Variants in CELSR1 observed in about 807,000 individuals in gnomAD.
The protein encoded by CELSR1 is adhesion G protein-coupled receptor C1.
A neutral mutation model predicts 249.1 loss-of-function variants in CELSR1; 110 were observed. The ratio of observed to expected loss-of-function variants is 0.44; its 90% CI spans 0.38 to 0.52. CELSR1 has a LOEUF of 0.52. Ranked by LOEUF, CELSR1 falls within the 20% of genes least tolerant of loss-of-function variation. The pLI is 0.00. For synonymous variants in CELSR1, 2,113 were observed against 1,900.0 expected (o/e 1.11, Z -2.92); for missense variants, 4,109 against 4,296.4 (o/e 0.96, Z 1.22).
rs965290955 is a variant in CELSR1 at position 46,526,414 on chromosome 22, C to T, written c.3544+7213G>A. Among the ~76,000 whole-genome samples the T allele has an allele frequency of 1.3e-5, 2 of 152,150 alleles. No individual in the cohort carries two copies. Among genetic ancestry groups the T allele is most frequent in the African/African-American group, 4.8e-5 (2 of 41,440 alleles). On this transcript the variant is annotated intron_variant, in intron 1 of 34. Coordinates refer to ENST00000674500, the MANE Select transcript of CELSR1 (RefSeq NM_001378328.1). The surrounding 1 kb of genome is among the most constrained non-coding windows in gnomAD (Gnocchi z 4.7). ...TAGCTCAGCCTTGTGCAGGCCTGTCCCCATGACACCCTGCCTTCCCTCTGA... is the reference window on the plus strand; with the variant it reads ...TAGCTCAGCCTTGTGCAGGCCTGTCTCCATGACACCCTGCCTTCCCTCTGA...
At chr22:46,476,506 G>A (rs961463201) in intron 1 of CELSR1, among the ~76,000 whole-genome samples, 1 of 150,452 alleles carries the variant, frequency 6.6e-6, no homozygotes, top group African/African-American at 2.4e-5. Context: ...TGAGGTGGGA[G>A]AATCGCTTGA....
chr22:46,444,053 G>A (rs1569167334), intron 2 of CELSR1, among the ~76,000 whole-genome samples: 1 of 152,190 alleles, frequency 6.6e-6, no homozygotes, highest in Non-Finnish European at 1.5e-5. Context: ...AGCCGCTTCT[G>A]TCTGTCCCAG....
Position 46,384,628 on chromosome 22 carries a change from G to C in CELSR1, c.6798C>G (p.Phe2266Leu), listed in dbSNP as rs1479733830. The C allele has an allele frequency of 6.8e-6, 11 of 1,613,710 alleles. No homozygotes were observed. The highest frequency in any genetic ancestry group is 8.5e-6 in the Non-Finnish European group (10 of 1,179,856). The change falls in exon 20 of 35, where the codon TTC becomes TTG. Residue 2266 changes from phenylalanine (F) to leucine (L), a missense_variant. Phe to Leu is a conservative substitution (Grantham distance 22, BLOSUM62 0). Transcript: ENST00000674500. ...TGGGGAACTCTTCATGGATGGTGTC[G>C]AATCGCGGGACCCTGGCTCCCGTAA... ...FNFTGARVPR[F>L]DTIHEEFPRE... is the part of the protein sequence containing the mutation.
chr22:46,441,152 CAAA>C lies in CELSR1; in HGVS notation c.4184-1744_4184-1742del, dbSNP rs553328237. ...TAGGTGCCAGAGCGAGACTTCATTT[CAAA>C]AAAAAAAAAAAAAGAGAGACTGCTA... On this transcript the variant is annotated intron_variant, in intron 2 of 34. Transcript: ENST00000674500. The surrounding 1 kb of genome is among the most constrained non-coding windows in gnomAD (Gnocchi z 6.1). Among the ~76,000 whole-genome samples, 6 of 106,488 alleles carry C rather than the reference CAAA, an allele frequency of 5.6e-5. No homozygotes were observed. The highest frequency in any genetic ancestry group is 2.8e-4 in the East Asian group (1 of 3,602). 69.9% of individuals were successfully genotyped at this position (106,488 alleles called of 152,430 possible). A position where few individuals can be genotyped will look rare whatever the true frequency, so the allele number is the denominator to read the frequency against.
intron 1 of CELSR1, among the ~76,000 whole-genome samples, chr22:46,519,848 A>G (rs577100808): frequency 6.6e-5 from 10 of 150,816 alleles, no homozygotes; most frequent in African/African-American, 2.4e-4. Flanking sequence ...CACAAGATTT[A>G]TAGTTCAGTA....
intron 3 of CELSR1, among the ~76,000 whole-genome samples, chr22:46,438,614 C>G (rs552095558): frequency 6.6e-6 from 1 of 152,164 alleles, no homozygotes; most frequent in African/African-American, 2.4e-5. Flanking sequence ...CAAGCAGCAG[C>G]GTAACATTCC....
chr22:46,536,065 C>G lies in CELSR1; in HGVS notation c.1106G>C (p.Gly369Ala), dbSNP rs756103462. 31 of 1,611,170 alleles carry G rather than the reference C, an allele frequency of 1.9e-5. 1 individual carries two copies. The highest frequency in any genetic ancestry group is 2.5e-5 in the Non-Finnish European group (30 of 1,179,942). Reference protein sequence around the residue: ...RERVRENLEVGYEVLTIRASD... With the variant: ...RERVRENLEVAYEVLTIRASD... ...GGCGCGGATGGTCAGCACCTCGTAGCCCACCTCCAGGTTCTCCCGCACGCG... is the reference window on the plus strand; with the variant it reads ...GGCGCGGATGGTCAGCACCTCGTAGGCCACCTCCAGGTTCTCCCGCACGCG... The change falls in exon 1 of 35, where the codon GGC (glycine) becomes GCC (alanine). Residue 369 changes from glycine to alanine, a missense_variant. Physicochemically the swap from Gly to Ala is moderately conservative, Grantham distance 60. Transcript: ENST00000674500.
chr22:46,455,543 C>T (rs1387463714), intron 2 of CELSR1, among the ~76,000 whole-genome samples: 4 of 152,260 alleles, frequency 2.6e-5, no homozygotes, highest in Admixed American at 6.5e-5. Context: ...TCAAGTGATC[C>T]GTTTGCCTCG....
chr22:46,385,255 G>A (rs563672965), intron 19 of CELSR1, among the ~76,000 whole-genome samples: 13 of 152,272 alleles, frequency 8.5e-5, no homozygotes, highest in Admixed American at 2.0e-4. Flanking sequence ...ACCACACCTG[G>A]CTAATTTTTA....
rs1014846379 is a variant in CELSR1 at position 46,468,740 on chromosome 22, G to C, written c.3545-4395C>G. On this transcript the variant is annotated intron_variant, in intron 1 of 34. Transcript: ENST00000674500. This position sits in a 1 kb window ranked among gnomAD's most constrained non-coding sequence, Gnocchi z 4.5. ...GCCACAGAACCACACACTTAAAAAT[G>C]GTTAAAGTGGTAAACGTATGTGTAT... Among the ~76,000 whole-genome samples the C allele has an allele frequency of 6.6e-6, 1 of 152,146 alleles. No individual in the cohort carries two copies. Among genetic ancestry groups the C allele is most frequent in the Non-Finnish European group, 1.5e-5 (1 of 68,038 alleles).
intron 19 of CELSR1, among the ~76,000 whole-genome samples, chr22:46,385,669 C>T (rs11090873): frequency 0.16 from 23,592 of 149,824 alleles, 3,631 homozygotes; most frequent in African/African-American, 0.41. Flanking sequence ...GCCTACCTGC[C>T]GAATATTTTT....
At chr22:46,372,241 C>T (rs1430087111) in intron 25 of CELSR1, among the ~76,000 whole-genome samples, 2 of 149,146 alleles carry the variant, frequency 1.3e-5, no homozygotes, top group Non-Finnish European at 3.0e-5. Context: ...TGCATCCACT[C>T]ACTCACCCCT....
At chr22:46,474,890 G>A (rs181826115) in intron 1 of CELSR1, among the ~76,000 whole-genome samples, 96 of 148,644 alleles carry the variant, frequency 6.5e-4, no homozygotes, top group African/African-American at 2.2e-3. Context: ...AGAGGCTGCC[G>A]GGATCTGCTA....
chr22:46,536,929 C>T lies in CELSR1; in HGVS notation c.242G>A (p.Gly81Asp). 1 of 1,169,614 alleles carries T rather than the reference C, an allele frequency of 8.5e-7. No homozygotes were observed. Among genetic ancestry groups the T allele is most frequent in the Non-Finnish European group, 1.1e-6 (1 of 948,970 alleles). 72.5% of individuals were successfully genotyped at this position (1,169,614 alleles called of 1,614,324 possible). ...TTGCAGCGGCAGCGGGCGCCCCGCGCCCGAGACGCGCCGACGTCCTGCCAG... is the reference window on the plus strand; with the variant it reads ...TTGCAGCGGCAGCGGGCGCCCCGCGTCCGAGACGCGCCGACGTCCTGCCAG... Reference protein sequence around the residue: ...GRLAGRRRVSGAGRPLPLQVR... With the variant: ...GRLAGRRRVSDAGRPLPLQVR... The change falls in exon 1 of 35, where the codon GGC becomes GAC. Residue 81 changes from glycine to aspartate, a missense_variant. Transcript: ENST00000674500.
At chr22:46,533,392 C>T (rs560128657) in intron 1 of CELSR1, among the ~76,000 whole-genome samples, 30 of 152,388 alleles carry the variant, frequency 2.0e-4, no homozygotes, top group African/African-American at 7.2e-4. Context: ...CTTGGGAGAA[C>T]CGCAGGCCTG....
At position 46,537,187 on chromosome 22, in the gene CELSR1, C is replaced by G. The variant is rs560342603; in HGVS notation, c.-17G>C. On this transcript the variant is annotated 5_prime_UTR_variant, in exon 1 of 35. Coordinates refer to ENST00000674500, the MANE Select transcript of CELSR1 (RefSeq NM_001378328.1). The surrounding 1 kb of genome is among the most constrained non-coding windows in gnomAD (Gnocchi z 5.8). ...CGGCGCCATGGCCCGGAGCCCGAGC[C>G]CGAGCCGGGCGCCCGAACACAATCC... 1,158 of 1,018,494 alleles carry G rather than the reference C, an allele frequency of 1.1e-3. No homozygotes were observed. The highest frequency in any genetic ancestry group is 1.5e-3 in the Admixed American group (25 of 17,132). 63.1% of individuals were successfully genotyped at this position (1,018,494 alleles called of 1,614,324 possible).
At chr22:46,426,868 G>C (rs9616005) in intron 5 of CELSR1, among the ~76,000 whole-genome samples, 3,992 of 152,332 alleles carry the variant, frequency 0.026, 96 homozygotes, top group Non-Finnish European at 0.043. Flanking sequence ...CAAACCTGCA[G>C]GTGCTCAGGC....
rs1160110779 is a variant in CELSR1, at chr22:46,446,105, G to A, written c.4184-6694C>T. ...AGACCCCAGCCTAAGGGGTCCCAGG[G>A]CCCAGCCCCCAGCCACACACCCAGC... On this transcript the variant is annotated intron_variant, in intron 2 of 34. Coordinates refer to ENST00000674500, the MANE Select transcript of CELSR1 (RefSeq NM_001378328.1). This position sits in a 1 kb window ranked among gnomAD's most constrained non-coding sequence, Gnocchi z 5.5. Among the ~76,000 whole-genome samples the A allele has an allele frequency of 4.6e-5, 7 of 152,034 alleles. No individual in the cohort carries two copies. The highest frequency in any genetic ancestry group is 1.7e-4 in the African/African-American group (7 of 41,410).
chr22:46,537,000 C>T lies in CELSR1; in HGVS notation c.171G>A (p.Thr57=). The change falls in exon 1 of 35, where the codon ACG becomes ACA. Residue 57 remains threonine (T), a synonymous_variant. Transcript: ENST00000674500. The part of the protein sequence containing the change: ...GCTYAVGAAC[T]PRAPRELLDV... The stretch of plus-strand genomic sequence containing the variant: ...CCAGCAGCTCCCGCGGCGCCCGGGG[C>T]GTGCAAGCGGCGCCCACCGCGTAGG... The T allele has an allele frequency of 9.0e-7, 1 of 1,113,816 alleles. No individual in the cohort carries two copies. Among genetic ancestry groups the T allele is most frequent in the Non-Finnish European group, 1.1e-6 (1 of 914,132 alleles). 69.0% of individuals were successfully genotyped at this position (1,113,816 alleles called of 1,614,324 possible).
Sources: allele counts gnomAD v4.1 joint callset (sites outside exome capture counted in the v4.1 genomes callset), GRCh38; gene constraint gnomAD v4.1.1; non-coding constraint Gnocchi (gnomAD v3.1); transcripts MANE v1.5; gene names NCBI Gene and HGNC (gene_info 2026-07-23, HGNC 2026-07-21).